Variants in LGSN observed in about 807,000 individuals in gnomAD.
LGSN encodes the protein lengsin.
A neutral mutation model predicts 19.5 loss-of-function variants in LGSN; 21 were observed. The observed-to-expected ratio is 1.07, with a 90% CI of 0.76 to 1.55. The LOEUF is 1.55. Ranked by LOEUF, LGSN falls within the 40% of genes most tolerant of loss-of-function variation. The pLI is 0.00. For synonymous variants in LGSN, 257 were observed against 215.6 expected, an observed-to-expected ratio of 1.19 and a Z score of -1.68; for missense variants, 673 against 608.5, an observed-to-expected ratio of 1.11 and a Z score of -1.12.
At chr6:63,343,362 T>C in the LGSN span, among the ~76,000 whole-genome samples, 1 of 152,208 alleles carries the variant, frequency 6.6e-6, no homozygotes, top group African/African-American at 2.4e-5. Context: ...CTTTGAATTA[T>C]ATGTTTATAA....
At chr6:63,501,004 C>A in the LGSN span, among the ~76,000 whole-genome samples, 2 of 152,104 alleles carry the variant, frequency 1.3e-5, no homozygotes, top group African/African-American at 4.8e-5. Context: ...GTTGGGATTA[C>A]AGGCGTGAGC....
chr6:63,346,082 T>A, the LGSN span, among the ~76,000 whole-genome samples: 3 of 152,182 alleles, frequency 2.0e-5, no homozygotes, highest in African/African-American at 4.8e-5. Flanking sequence ...TCCTGGCACA[T>A]AACTCCTAAA....
At chr6:63,336,549 G>GTATATATA in the LGSN span, among the ~76,000 whole-genome samples, 2 of 139,942 alleles carry the variant, frequency 1.4e-5, no homozygotes, top group Admixed American at 7.3e-5. Context: ...GTGTGTGTGT[G>GTATATATA]TGTGTGTGTG....
At chr6:63,361,407 G>C in the LGSN span, among the ~76,000 whole-genome samples, 1 of 152,294 alleles carries the variant, frequency 6.6e-6, no homozygotes, top group East Asian at 1.9e-4. Context: ...ATCTCAGACT[G>C]CTGTGTTGGT....
chr6:63,308,870 AAAAG>A lies in LGSN; in HGVS notation c.30+11040_30+11043del, dbSNP rs1294340532. On this transcript the variant is annotated intron_variant, in intron 1 of 3. Coordinates refer to ENST00000370657, the MANE Select transcript of LGSN (RefSeq NM_016571.3). Reference sequence around the variant, plus strand: ...ACCTTTAAGTGTGTTCTTCAAAGAAAAAAGAAAGAAAATGTGCTTAAAATATTTA... The same window carrying A: ...ACCTTTAAGTGTGTTCTTCAAAGAAAAAAGAAAATGTGCTTAAAATATTTA... Among the ~76,000 whole-genome samples, 3 of 152,352 alleles carry A rather than the reference AAAAG, an allele frequency of 2.0e-5. No homozygotes were observed. The East Asian group carries it at 5.8e-4, about 29-fold the overall frequency.
the LGSN span, among the ~76,000 whole-genome samples, chr6:63,486,514 A>G: frequency 6.6e-6 from 1 of 152,114 alleles, no homozygotes; most frequent in Non-Finnish European, 1.5e-5. Context: ...TCATGTGCAC[A>G]TTGATTCCCT....
the LGSN span, among the ~76,000 whole-genome samples, chr6:63,437,405 G>T: frequency 6.6e-6 from 1 of 152,086 alleles, no homozygotes; most frequent in African/African-American, 2.4e-5. Flanking sequence ...CTTTCTTTCT[G>T]GTTTTATTGT....
the LGSN span, among the ~76,000 whole-genome samples, chr6:63,414,906 C>T: frequency 1.3e-5 from 2 of 151,354 alleles, no homozygotes; most frequent in African/African-American, 2.4e-5. Flanking sequence ...CAGAGCCAGA[C>T]GCCCTTTAAA....
chr6:63,408,749 C>A, the LGSN span, among the ~76,000 whole-genome samples: 1 of 151,318 alleles, frequency 6.6e-6, no homozygotes, highest in Admixed American at 6.6e-5. Flanking sequence ...AGGCAACCTA[C>A]AAAATGGGAG....
chr6:63,282,199 AT>A (rs772814195), intron 3 of LGSN, among the ~76,000 whole-genome samples: 4 of 152,244 alleles, frequency 2.6e-5, no homozygotes, highest in Non-Finnish European at 4.4e-5. Context: ...GAAATTATGT[AT>A]TAGAAATATC....
the LGSN span, among the ~76,000 whole-genome samples, chr6:63,398,275 A>G: frequency 2.0e-5 from 3 of 151,596 alleles, no homozygotes; most frequent in Non-Finnish European, 4.4e-5. Context: ...GGTATTCCAG[A>G]AGGCATTGTT....
At chr6:63,497,751 A>G in the LGSN span, among the ~76,000 whole-genome samples, 3 of 147,022 alleles carry the variant, frequency 2.0e-5, no homozygotes, top group African/African-American at 7.7e-5. Flanking sequence ...ACAACAACAA[A>G]TCATTTTATA....
At chr6:63,489,670 T>C in the LGSN span, among the ~76,000 whole-genome samples, 1 of 152,106 alleles carries the variant, frequency 6.6e-6, no homozygotes, top group Non-Finnish European at 1.5e-5. Flanking sequence ...ACACCCGACC[T>C]GGATTTTATT....
intron 1 of LGSN, among the ~76,000 whole-genome samples, chr6:63,298,177 A>T (rs1479880708): frequency 6.6e-6 from 1 of 152,190 alleles, no homozygotes; most frequent in African/African-American, 2.4e-5. Context: ...AGGAGCACTG[A>T]GTGATTAAGC....
At chr6:63,510,660 A>ATTTT in the LGSN span, among the ~76,000 whole-genome samples, 20 of 111,998 alleles carry the variant, frequency 1.8e-4, no homozygotes, top group Non-Finnish European at 2.8e-4. Flanking sequence ...CAAGAAGCGA[A>ATTTT]TTTTTTTTTT....
At chr6:63,319,522 C>A (rs913706885) in intron 1 of LGSN, among the ~76,000 whole-genome samples, 2 of 152,102 alleles carry the variant, frequency 1.3e-5, no homozygotes, top group African/African-American at 2.4e-5. Flanking sequence ...AGGTTTCCAC[C>A]TTTAGTCATT....
chr6:63,412,529 G>GAAAGAATGAAAGAAAGAAAGAAA, the LGSN span, among the ~76,000 whole-genome samples: 1 of 32,378 alleles, frequency 3.1e-5, no homozygotes, highest in Non-Finnish European at 5.7e-5. Context: ...AAAGAAAGAA[G>GAAAGAATGAAAGAAAGAAAGAAA]GAAAGAAAGA....
At chr6:63,393,009 C>T in the LGSN span, among the ~76,000 whole-genome samples, 2 of 151,236 alleles carry the variant, frequency 1.3e-5, no homozygotes, top group Non-Finnish European at 2.9e-5. Flanking sequence ...ACCTCAGCCT[C>T]CCGAGTAGCT....
chr6:63,559,208 A>C, the LGSN span, among the ~76,000 whole-genome samples: 1 of 152,202 alleles, frequency 6.6e-6, no homozygotes, highest in African/African-American at 2.4e-5. Context: ...ATATCTTATA[A>C]ATACTCCCTT....
Sources: allele counts gnomAD v4.1 joint callset (sites outside exome capture counted in the v4.1 genomes callset), GRCh38; gene constraint gnomAD v4.1.1; transcripts MANE v1.5; gene names NCBI Gene and HGNC (gene_info 2026-07-23, HGNC 2026-07-21).